The following RALGAPB variants were observed in gnomAD, a reference collection of about 807,000 sequenced individuals.
The protein encoded by RALGAPB is Ral GTPase activating protein non-catalytic subunit beta.
A neutral mutation model predicts 161.1 loss-of-function variants in RALGAPB; 25 were observed. That is an observed-to-expected ratio of 0.16 (90% CI 0.11 to 0.22). The LOEUF is 0.22. Ranked by LOEUF, RALGAPB falls within the 10% of genes least tolerant of loss-of-function variation. RALGAPB has a pLI of 1.00. For missense variants in RALGAPB, 1,391 were observed against 1,815.2 expected (o/e 0.77, Z 4.25); for synonymous variants, 629 against 626.1 (o/e 1.00, Z -0.07).
Position 38,524,966 on chromosome 20 carries a change from A to C in RALGAPB, c.1787+21A>C, listed in dbSNP as rs200180558. 4 of 1,583,500 alleles carry C rather than the reference A, an allele frequency of 2.5e-6. No homozygotes were observed. The African/African-American group carries it at 5.4e-5, about 21-fold the overall frequency. The stretch of plus-strand genomic sequence containing the variant: ...GACAGGTAAGCTATCATTCTCTGCT[A>C]TTATATCAACTGTCTGATTTGGCCT... On this transcript the variant is annotated intron_variant, in intron 11 of 29. Transcript: ENST00000262879.
At chr20:38,473,121 C>T (rs1045774524) in intron 1 of RALGAPB, 52 bp downstream of exon 1, 11 of 338,100 alleles carry the variant, frequency 3.3e-5, no homozygotes, top group Non-Finnish European at 5.9e-5. Context: ...CTCCTTCCCT[C>T]TCTTCCCCAC....
intron 16 of RALGAPB, among the ~76,000 whole-genome samples, chr20:38,539,455 TGG>T (rs1220536285): frequency 1.3e-5 from 2 of 152,148 alleles, no homozygotes; most frequent in Non-Finnish European, 2.9e-5. Flanking sequence ...ACTGTGAGGT[TGG>T]GTTAGGGGTT....
intron 18 of RALGAPB, among the ~76,000 whole-genome samples, chr20:38,541,690 G>A (rs1484804407): frequency 6.6e-6 from 1 of 152,184 alleles, no homozygotes; most frequent in East Asian, 1.9e-4. Flanking sequence ...CTACCATCTT[G>A]TCTGGTAGGG....
At chr20:38,534,457 A>G (rs1305322404) in intron 15 of RALGAPB, 2 of 152,556 alleles carry the variant, frequency 1.3e-5, no homozygotes, top group Non-Finnish European at 2.9e-5. Flanking sequence ...AATTTTTCCT[A>G]ATTTCCTATT....
intron 1 of RALGAPB, among the ~76,000 whole-genome samples, chr20:38,478,782 A>G (rs1436530531): frequency 1.3e-5 from 2 of 151,848 alleles, no homozygotes; most frequent in African/African-American, 4.8e-5. Context: ...ACGCCCAGCT[A>G]ATTTTGTATT....
At chr20:38,500,232 G>A (rs923271554) in intron 5 of RALGAPB, among the ~76,000 whole-genome samples, 2 of 151,476 alleles carry the variant, frequency 1.3e-5, no homozygotes, top group African/African-American at 4.9e-5. Context: ...TGAGCTTCAC[G>A]GATACCATGT....
intron 18 of RALGAPB, among the ~76,000 whole-genome samples, chr20:38,544,238 G>A (rs1041347371): frequency 1.3e-5 from 2 of 152,050 alleles, no homozygotes; most frequent in African/African-American, 2.4e-5. Context: ...ACTTCTATGC[G>A]TTGGTTCTAA....
At chr20:38,531,337 A>G in intron 14 of RALGAPB, 106 bp downstream of exon 14, 1 of 959,336 alleles carries the variant, frequency 1.0e-6, no homozygotes, top group Admixed American at 2.3e-5. Context: ...TTTGGTTTGT[A>G]AATCCTGCTC....
intron 18 of RALGAPB, among the ~76,000 whole-genome samples, chr20:38,542,435 A>G (rs1045452153): frequency 6.6e-6 from 1 of 152,206 alleles, no homozygotes; most frequent in Non-Finnish European, 1.5e-5. Flanking sequence ...CCTGCTCACT[A>G]TGCAAATGCT....
At chr20:38,510,365 A>G (rs990369241) in intron 6 of RALGAPB, among the ~76,000 whole-genome samples, 1 of 152,122 alleles carries the variant, frequency 6.6e-6, no homozygotes, top group Non-Finnish European at 1.5e-5. Context: ...TTTATATCAG[A>G]TTCACACTCT....
In RALGAPB at chr20:38,577,126, G is replaced by A. The variant is rs2088467201; in HGVS notation, c.*2159G>A. 6.6e-6 allele frequency: 1 copy of A among 152,218 alleles called. No individual in the cohort carries two copies. Among genetic ancestry groups the A allele is most frequent in the South Asian group, 2.1e-4 (1 of 4,836 alleles). The allele number at this position is 152,218 out of a possible 1,614,324, so 9.4% of individuals were successfully genotyped here. A position where few individuals can be genotyped will look rare whatever the true frequency, so the allele number is the denominator to read the frequency against. ...CCCCTGAAGGCATGAAACTCCCAGT[G>A]TGTACGGAGCCAGTGGAATATGGGA... On this transcript the variant is annotated 3_prime_UTR_variant, in exon 30 of 30. Transcript: ENST00000262879.
chr20:38,492,239 A>G (rs970700352), intron 2 of RALGAPB, among the ~76,000 whole-genome samples: 4 of 152,214 alleles, frequency 2.6e-5, no homozygotes, highest in Admixed American at 1.3e-4. Flanking sequence ...TTTAATCTCT[A>G]CAATTACGAC....
chr20:38,478,994 A>T (rs1363871889), intron 1 of RALGAPB, among the ~76,000 whole-genome samples: 1 of 151,822 alleles, frequency 6.6e-6, no homozygotes, highest in East Asian at 1.9e-4. Context: ...CAAGTGATCC[A>T]CCCGCCTCGG....
At chr20:38,487,786 G>T (rs186849349) in intron 1 of RALGAPB, among the ~76,000 whole-genome samples, 3 of 152,192 alleles carry the variant, frequency 2.0e-5, no homozygotes, top group African/African-American at 7.2e-5. Context: ...TGTATTTTCC[G>T]CTGGGCACGG....
intron 23 of RALGAPB, among the ~76,000 whole-genome samples, chr20:38,559,592 G>A (rs1265929364): frequency 1.3e-5 from 2 of 152,230 alleles, no homozygotes; most frequent in African/African-American, 4.8e-5. Context: ...TGCTTGGGAG[G>A]CTGAGGCAGG....
intron 21 of RALGAPB, 88 bp from the exon 22 acceptor site, chr20:38,553,777 CAA>C (rs35778032): frequency 0.022 from 5,993 of 274,960 alleles, 5 homozygotes; most frequent in African/African-American, 0.061. Flanking sequence ...AGCCCAGTCT[CAA>C]AAAAAAAAAA....
chr20:38,554,164 C>T lies in RALGAPB; in HGVS notation c.3372+88C>T, dbSNP rs1308770391. ...TAAAATATTTTTATCAGGATAGAAG[C>T]GAATTAAAAAAAAAAAAAACTGGTT... On this transcript the variant is annotated intron_variant, in intron 22 of 29. Transcript: ENST00000262879. 26 of 1,116,400 alleles carry T rather than the reference C, an allele frequency of 2.3e-5. No homozygotes were observed. In the Admixed American group the frequency reaches 3.8e-4, roughly 16 times the overall value. 69.2% of individuals were successfully genotyped at this position (1,116,400 alleles called of 1,614,324 possible).
At chr20:38,496,314 G>A (rs1234630268) in intron 3 of RALGAPB, among the ~76,000 whole-genome samples, 2 of 152,140 alleles carry the variant, frequency 1.3e-5, no homozygotes, top group African/African-American at 2.4e-5. Context: ...TCTAAGGTTG[G>A]GTTGACAGTT....
intron 5 of RALGAPB, among the ~76,000 whole-genome samples, chr20:38,505,553 G>C (rs2085736690): frequency 6.6e-6 from 1 of 151,860 alleles, no homozygotes; most frequent in African/African-American, 2.4e-5. Flanking sequence ...AATTAAAGTT[G>C]GAAAATTTTA....
Sources: gnomAD v4.1 joint callset for allele counts (sites outside exome capture counted in the v4.1 genomes callset) on GRCh38, gnomAD v4.1.1 for gene constraint, MANE v1.5 for transcripts, NCBI Gene and HGNC (gene_info 2026-07-23, HGNC 2026-07-21) for gene names.